Variants in NCAPD3 observed in about 807,000 individuals in gnomAD.
The protein encoded by NCAPD3 is condensin-2 complex subunit D3.
Under a neutral mutation model 182.9 loss-of-function variants are expected in NCAPD3, and 105 were observed. That is an observed-to-expected ratio of 0.57 (90% confidence interval 0.49 to 0.68). The LOEUF (loss-of-function observed/expected upper bound fraction) is 0.68, where lower values mean the gene tolerates loss of function less well. Among genes scored for constraint, NCAPD3 ranks in the 30% least tolerant of loss-of-function variants. NCAPD3 has a pLI of 0.00. For synonymous variants in NCAPD3, 815 were observed against 679.9 expected (o/e 1.20, Z -3.09); for missense variants, 1,944 against 1,837.0 (o/e 1.06, Z -1.07).
intron 13 of NCAPD3, among the ~76,000 whole-genome samples, chr11:134,196,857 T>C (rs11820053): frequency 0.44 from 66,979 of 151,940 alleles, 16,966 homozygotes; most frequent in African/African-American, 0.71. Flanking sequence ...TCATCTTAGG[T>C]GAGTACTACC....
intron 13 of NCAPD3, 134 bp from the exon 14 acceptor site, chr11:134,194,872 A>AGT (rs1944595073): frequency 1.9e-6 from 1 of 533,328 alleles, no homozygotes; most frequent in African/African-American, 1.9e-5. Context: ...AAGAAATGAG[A>AGT]GTGTGGAAAA....
intron 16 of NCAPD3, among the ~76,000 whole-genome samples, chr11:134,189,104 A>C (rs1421808199): frequency 1.3e-5 from 2 of 152,126 alleles, no homozygotes; most frequent in African/African-American, 4.8e-5. Context: ...CCTATATAGA[A>C]CTGTGCCCTT....
At chr11:134,169,122 A>C in intron 24 of NCAPD3, 68 bp from the exon 25 acceptor site, 1 of 1,510,792 alleles carries the variant, frequency 6.6e-7, no homozygotes, top group Non-Finnish European at 9.0e-7. Context: ...GAATACACCA[A>C]GAACTCTGCT....
chr11:134,172,053 G>A (rs141959645), intron 24 of NCAPD3, among the ~76,000 whole-genome samples: 1 of 152,176 alleles, frequency 6.6e-6, no homozygotes, highest in Non-Finnish European at 1.5e-5. Context: ...ATAGTGTGTT[G>A]CCAAAAGTGT....
At chr11:134,196,277 T>C (rs1429981258) in intron 13 of NCAPD3, among the ~76,000 whole-genome samples, 1 of 152,198 alleles carries the variant, frequency 6.6e-6, no homozygotes, top group Non-Finnish European at 1.5e-5. Flanking sequence ...CGACAAGTTT[T>C]AGAAAGACAC....
intron 15 of NCAPD3, among the ~76,000 whole-genome samples, chr11:134,193,419 C>A (rs1944562990): frequency 6.6e-6 from 1 of 152,238 alleles, no homozygotes; most frequent in East Asian, 1.9e-4. Flanking sequence ...CTAGCTTAAC[C>A]AAATCAATTT....
At chr11:134,167,018 C>T (rs1437971057) in intron 27 of NCAPD3, among the ~76,000 whole-genome samples, 1 of 110,578 alleles carries the variant, frequency 9.0e-6, no homozygotes, top group African/African-American at 4.3e-5. Context: ...TGCACACTCA[C>T]TAGTGAGATG....
chr11:134,183,758 G>A (rs1944344091), intron 19 of NCAPD3, among the ~76,000 whole-genome samples: 1 of 152,126 alleles, frequency 6.6e-6, no homozygotes, highest in Non-Finnish European at 1.5e-5. Flanking sequence ...TACAATCATT[G>A]TTTTAGTTGA....
At chr11:134,176,775 T>G (rs1376374373) in intron 23 of NCAPD3, among the ~76,000 whole-genome samples, 1 of 152,188 alleles carries the variant, frequency 6.6e-6, no homozygotes, top group Admixed American at 6.5e-5. Flanking sequence ...TCTGCAGAGC[T>G]CTATAGTTCA....
At chr11:134,177,737 G>C (rs1014221839) in intron 22 of NCAPD3, 2 of 418,448 alleles carry the variant, frequency 4.8e-6, no homozygotes, top group African/African-American at 2.0e-5. Context: ...TTTGAATTTC[G>C]CAGTTATCCC....
intron 27 of NCAPD3, among the ~76,000 whole-genome samples, chr11:134,165,351 A>T (rs1943743460): frequency 6.7e-6 from 1 of 149,666 alleles, no homozygotes. Context: ...CACACTCATG[A>T]GCTTGGGAAG....
chr11:134,166,066 A>T (rs1239395064), intron 27 of NCAPD3, among the ~76,000 whole-genome samples: 4 of 45,812 alleles, frequency 8.7e-5, no homozygotes, highest in East Asian at 1.0e-3. Flanking sequence ...TTGGGGGAGC[A>T]GCACACTCAC....
chr11:134,164,747 A>G (rs538592016), intron 27 of NCAPD3, among the ~76,000 whole-genome samples: 2 of 151,644 alleles, frequency 1.3e-5, no homozygotes, highest in South Asian at 2.1e-4. Context: ...GGAGCTTCAC[A>G]CTCACTTGTG....
intron 29 of NCAPD3, among the ~76,000 whole-genome samples, chr11:134,158,798 T>A (rs992944258): frequency 6.6e-6 from 1 of 152,204 alleles, no homozygotes; most frequent in Admixed American, 6.5e-5. Context: ...TTGGTACCCA[T>A]TAACCAACTT....
At chr11:134,193,251 C>A (rs769778084) in intron 15 of NCAPD3, among the ~76,000 whole-genome samples, 1 of 152,092 alleles carries the variant, frequency 6.6e-6, no homozygotes, top group Non-Finnish European at 1.5e-5. Flanking sequence ...TTGCTTAATG[C>A]CTTCTATTAT....
Position 134,192,868 on chromosome 11 carries a change from C to T in NCAPD3, c.1866G>A (p.Arg622=). 1 of 1,613,982 alleles carries T rather than the reference C, an allele frequency of 6.2e-7. No individual in the cohort carries two copies. The highest frequency in any genetic ancestry group is 8.5e-7 in the Non-Finnish European group (1 of 1,179,876). ...RCVQIQKAWL[R]GVVPVVMDCE... is the part of the protein sequence containing the mutation. ...AGTCCATCACCACCGGGACCACCCCCCGCAACCAGGCTTTCTGGATCTGCA... is the reference window on the plus strand; with the variant it reads ...AGTCCATCACCACCGGGACCACCCCTCGCAACCAGGCTTTCTGGATCTGCA... Residue 622 remains arginine, a synonymous_variant, in exon 16 of 35, where the codon CGG becomes CGA. Transcript: ENST00000534548.
rs796321663 is a variant in NCAPD3, at chr11:134,218,118, G to C, written c.220-1020C>G. On this transcript the variant is annotated intron_variant, in intron 2 of 34. Coordinates refer to ENST00000534548, the MANE Select transcript of NCAPD3 (RefSeq NM_015261.3). ...GGTCTCAAAAAAAAAAAAGGGGGGG[G>C]GGGGAAGAAATCATCTCCTAACTTT... 5.4e-5 allele frequency among the ~76,000 whole-genome samples: 6 copies of C among 111,758 alleles called. 1 individual carries two copies. The East Asian group carries it at 2.1e-3, about 39-fold the overall frequency. The allele number at this position is 111,758 out of a possible 152,430, so 73.3% of individuals were successfully genotyped here. A position where few individuals can be genotyped will look rare whatever the true frequency, so the allele number is the denominator to read the frequency against.
intron 27 of NCAPD3, among the ~76,000 whole-genome samples, chr11:134,166,999 TAGG>T (rs1484590698): frequency 1.9e-4 from 20 of 103,264 alleles, no homozygotes; most frequent in African/African-American, 8.1e-4. Flanking sequence ...GAGATGAGCT[TAGG>T]GGAGCTGCAC....
intron 24 of NCAPD3, among the ~76,000 whole-genome samples, chr11:134,175,733 C>T (rs1455099447): frequency 6.6e-6 from 1 of 152,130 alleles, no homozygotes; most frequent in Admixed American, 6.5e-5. Context: ...TTCTCAACCC[C>T]TTGAAAAAAA....
Sources: allele counts gnomAD v4.1 joint callset (sites outside exome capture counted in the v4.1 genomes callset), GRCh38; gene constraint gnomAD v4.1.1; transcripts MANE v1.5; gene names NCBI Gene and HGNC (gene_info 2026-07-23, HGNC 2026-07-21).